Variants in NXPE2 observed in about 807,000 individuals in gnomAD.
NXPE2 encodes neurexophilin and PC-esterase domain family member 2, also known as NXPE family member 2.
A neutral mutation model predicts 34.4 loss-of-function variants in NXPE2; 34 were observed. That is an observed-to-expected ratio of 0.99 (90% CI 0.75 to 1.31). The LOEUF (loss-of-function observed/expected upper bound fraction) is 1.31, where lower values mean the gene tolerates loss of function less well. Ranked by LOEUF, NXPE2 falls within the 40% of genes most tolerant of loss-of-function variation. The probability of loss-of-function intolerance (pLI) is 0.00; values close to 1 mark genes in which losing one functional copy is unlikely to be tolerated. For synonymous variants in NXPE2, 235 were observed against 231.3 expected (o/e 1.02, Z -0.15); for missense variants, 649 against 672.5 (o/e 0.97, Z 0.39).
chr11:114,636,410 C>A, the NXPE2 span, among the ~76,000 whole-genome samples: 1 of 152,008 alleles, frequency 6.6e-6, no homozygotes, highest in African/African-American at 2.4e-5. Flanking sequence ...TTTCAAAAAA[C>A]CAGCTCCTGG....
chr11:114,740,856 G>A, the NXPE2 span, among the ~76,000 whole-genome samples: 1 of 152,024 alleles, frequency 6.6e-6, no homozygotes, highest in Admixed American at 6.6e-5. Flanking sequence ...TCTGTTACTG[G>A]GTGCATATGT....
the NXPE2 span, among the ~76,000 whole-genome samples, chr11:114,598,847 T>C: frequency 2.0e-5 from 3 of 149,120 alleles, no homozygotes; most frequent in African/African-American, 7.4e-5. Flanking sequence ...CTTCTCCCCA[T>C]TGTCTCCACC....
rs139150647 is a variant in NXPE2, at chr11:114,705,733, T to C, written c.929-48T>C. 8.5e-4 allele frequency: 1,004 copies of C among 1,174,342 alleles called. 8 individuals are homozygous for C. In the African/African-American group the frequency reaches 0.014, roughly 16 times the overall value. The allele number at this position is 1,174,342 out of a possible 1,614,324, so 72.7% of individuals were successfully genotyped here. Reference sequence around the variant, plus strand: ...AAAAATGAGAAACATTTTTCCAAAATAATTTGTGGTAATAAAAATTACTTA... The same window carrying C: ...AAAAATGAGAAACATTTTTCCAAAACAATTTGTGGTAATAAAAATTACTTA... On this transcript the variant is annotated intron_variant, in intron 4 of 5. Coordinates refer to ENST00000389586, the MANE Select transcript of NXPE2 (RefSeq NM_182495.6).
chr11:114,635,593 C>T, the NXPE2 span, among the ~76,000 whole-genome samples: 4 of 152,038 alleles, frequency 2.6e-5, no homozygotes, highest in African/African-American at 7.2e-5. Context: ...ATGATATTGG[C>T]TGTGGGTTTG....
At chr11:114,528,808 T>C in the NXPE2 span, 1 of 680,002 alleles carries the variant, frequency 1.5e-6, no homozygotes, top group Non-Finnish European at 2.7e-6. Flanking sequence ...GATTTCCTGC[T>C]ATAGATGTCT....
chr11:114,515,764 T>C, the NXPE2 span, among the ~76,000 whole-genome samples: 1 of 98,520 alleles, frequency 1.0e-5, no homozygotes, highest in Non-Finnish European at 1.9e-5. Context: ...AAGGGCAGTC[T>C]TTCTGAAGTA....
upstream of NXPE2, among the ~76,000 whole-genome samples, chr11:114,673,605 C>A (rs536955301): frequency 1.0e-3 from 155 of 151,702 alleles, 1 homozygote; most frequent in Admixed American, 8.3e-3. Flanking sequence ...AGAGAAAACT[C>A]AAATTACTAA....
the NXPE2 span, chr11:114,579,986 G>A: frequency 0.65 from 434,799 of 666,660 alleles, 142,851 homozygotes; most frequent in African/African-American, 0.78. Flanking sequence ...TTTAAAGGAA[G>A]GATAACAATG....
At chr11:114,539,225 T>C in the NXPE2 span, among the ~76,000 whole-genome samples, 3 of 143,344 alleles carry the variant, frequency 2.1e-5, no homozygotes, top group East Asian at 2.0e-4. Context: ...TAGGTGGGAA[T>C]TGAACAATGA....
the NXPE2 span, among the ~76,000 whole-genome samples, chr11:114,468,536 T>G: frequency 6.6e-6 from 1 of 152,180 alleles, no homozygotes; most frequent in Non-Finnish European, 1.5e-5. Context: ...AAATTATTGG[T>G]TCTTAACTGG....
At chr11:114,688,157 G>A (rs1003227397) in intron 2 of NXPE2, among the ~76,000 whole-genome samples, 9 of 151,998 alleles carry the variant, frequency 5.9e-5, no homozygotes, top group African/African-American at 2.2e-4. Flanking sequence ...GTACATCCTT[G>A]TTCCAGCTCC....
At chr11:114,551,252 T>A in the NXPE2 span, 2 of 1,378,090 alleles carry the variant, frequency 1.5e-6, no homozygotes, top group Admixed American at 2.0e-5. Flanking sequence ...GAGAAGTGAA[T>A]CTCTCTGTAC....
chr11:114,521,874 C>G, the NXPE2 span: 4 of 962,112 alleles, frequency 4.2e-6, no homozygotes, highest in South Asian at 6.7e-5. Flanking sequence ...AATTTATTTT[C>G]CTTAGTTCCT....
chr11:114,614,761 T>G, the NXPE2 span, among the ~76,000 whole-genome samples: 5 of 151,254 alleles, frequency 3.3e-5, no homozygotes, highest in African/African-American at 7.3e-5. Context: ...GGATAATAAG[T>G]GTTCCTCATG....
chr11:114,670,393 A>AATT, the NXPE2 span, among the ~76,000 whole-genome samples: 1 of 151,974 alleles, frequency 6.6e-6, no homozygotes, highest in African/African-American at 2.4e-5. Flanking sequence ...AGCCCAGCCC[A>AATT]ATTACTAAAC....
At chr11:114,678,409 TAATAAGG>T, upstream of NXPE2, 1 of 571,998 alleles carries the variant, frequency 1.7e-6, no homozygotes, top group Non-Finnish European at 3.1e-6. Context: ...GAACAGATCA[TAATAAGG>T]GAGGTTTATG....
chr11:114,465,705 C>T, the NXPE2 span, among the ~76,000 whole-genome samples: 1 of 152,026 alleles, frequency 6.6e-6, no homozygotes, highest in African/African-American at 2.4e-5. Context: ...AATACAATAA[C>T]ATAGTCCCAG....
chr11:114,810,227 C>T, the NXPE2 span, among the ~76,000 whole-genome samples: 1 of 150,146 alleles, frequency 6.7e-6, no homozygotes, highest in Non-Finnish European at 1.5e-5. Flanking sequence ...AGACCTAAAA[C>T]CATAAAAACC....
At chr11:114,652,105 A>G in the NXPE2 span, among the ~76,000 whole-genome samples, 1 of 152,108 alleles carries the variant, frequency 6.6e-6, no homozygotes, top group Non-Finnish European at 1.5e-5. Flanking sequence ...TTTTTAATCT[A>G]CTGCCTAGAG....
Sources: gnomAD v4.1 joint callset for allele counts (sites outside exome capture counted in the v4.1 genomes callset) on GRCh38, gnomAD v4.1.1 for gene constraint, MANE v1.5 for transcripts, NCBI Gene and HGNC (gene_info 2026-07-23, HGNC 2026-07-21) for gene names.